The following CNTN6 variants were observed in gnomAD, a reference collection of about 807,000 sequenced individuals.
The protein encoded by CNTN6 is contactin 6.
CNTN6 carries 137 observed loss-of-function variants against 122.8 expected under a neutral mutation model. The ratio of observed to expected loss-of-function variants is 1.12; its 90% CI spans 0.97 to 1.29. The LOEUF (loss-of-function observed/expected upper bound fraction) is 1.29. CNTN6 is among the 50% of genes most tolerant of loss of function. The pLI is 0.00. For synonymous variants in CNTN6, 570 were observed against 426.0 expected (o/e 1.34, Z -4.16); for missense variants, 1,634 against 1,223.4 (o/e 1.34, Z -5.01).
intron 2 of CNTN6, among the ~76,000 whole-genome samples, chr3:1,161,203 CAGTG>C (rs1050985415): frequency 2.9e-5 from 4 of 138,626 alleles, no homozygotes; most frequent in Non-Finnish European, 6.2e-5. Flanking sequence ...ATTTGTATGA[CAGTG>C]AGAAATAGTC....
chr3:1,219,973 G>C (rs962837759), intron 2 of CNTN6, among the ~76,000 whole-genome samples: 4 of 114,818 alleles, frequency 3.5e-5, no homozygotes, highest in African/African-American at 1.6e-4. Flanking sequence ...CTGCAATTCA[G>C]CCTGTGCAAC....
At chr3:1,240,026 G>C (rs2125600719) in intron 4 of CNTN6, among the ~76,000 whole-genome samples, 1 of 152,106 alleles carries the variant, frequency 6.6e-6, no homozygotes, top group East Asian at 1.9e-4. Flanking sequence ...ATCAACTCAA[G>C]ATATATCAAA....
intron 1 of CNTN6, among the ~76,000 whole-genome samples, chr3:1,102,379 G>A (rs1265766034): frequency 6.6e-6 from 1 of 152,180 alleles, no homozygotes; most frequent in Non-Finnish European, 1.5e-5. Flanking sequence ...GTAAATGAAA[G>A]AGAAACTCAG....
At chr3:1,371,488 A>C (rs1379657309) in intron 12 of CNTN6, among the ~76,000 whole-genome samples, 1 of 152,142 alleles carries the variant, frequency 6.6e-6, no homozygotes, top group Non-Finnish European at 1.5e-5. Context: ...CTCTTTGATG[A>C]ATTCTCAACT....
At chr3:1,289,675 G>GT (rs1694953402) in intron 5 of CNTN6, among the ~76,000 whole-genome samples, 2 of 78,448 alleles carry the variant, frequency 2.5e-5, no homozygotes, top group African/African-American at 1.0e-4. Flanking sequence ...TGTTTTTTTG[G>GT]GTTTTTTTTT....
intron 1 of CNTN6, among the ~76,000 whole-genome samples, chr3:1,102,883 G>GGATCACGA (rs2091005201): frequency 1.3e-5 from 2 of 150,992 alleles, no homozygotes; most frequent in South Asian, 4.2e-4. Flanking sequence ...CGAGGCGGGC[G>GGATCACGA]GATCACGAGA....
intron 5 of CNTN6, among the ~76,000 whole-genome samples, chr3:1,291,017 C>A (rs921311208): frequency 2.0e-5 from 3 of 152,170 alleles, no homozygotes; most frequent in Non-Finnish European, 2.9e-5. Context: ...TTTTACACAG[C>A]CCGTATTCAA....
intron 5 of CNTN6, among the ~76,000 whole-genome samples, chr3:1,282,232 G>A (rs769469645): frequency 2.0e-5 from 3 of 151,818 alleles, no homozygotes; most frequent in African/African-American, 4.8e-5. Flanking sequence ...ACGAAAGGAG[G>A]GCTGACTCCA....
intron 11 of CNTN6, among the ~76,000 whole-genome samples, chr3:1,331,928 G>A (rs572252464): frequency 6.6e-6 from 1 of 151,274 alleles, no homozygotes; most frequent in Admixed American, 6.6e-5. Context: ...ATTTTGTTTT[G>A]TCCCATACAG....
chr3:1,324,741 T>G (rs965207581), intron 8 of CNTN6, among the ~76,000 whole-genome samples: 11 of 149,648 alleles, frequency 7.4e-5, no homozygotes, highest in Admixed American at 2.0e-4. Flanking sequence ...TTTTTCCTGA[T>G]GCTTTTCCCT....
intron 4 of CNTN6, among the ~76,000 whole-genome samples, chr3:1,230,541 G>T (rs1163039184): frequency 6.6e-6 from 1 of 152,124 alleles, no homozygotes; most frequent in African/African-American, 2.4e-5. Flanking sequence ...CTTCCTAAAG[G>T]CTAGTTTCTT....
chr3:1,219,409 G>A (rs1186844247), intron 2 of CNTN6, among the ~76,000 whole-genome samples: 2 of 152,152 alleles, frequency 1.3e-5, no homozygotes, highest in Admixed American at 1.3e-4. Context: ...GGGAAAGAGG[G>A]CAAGACAATG....
intron 1 of CNTN6, among the ~76,000 whole-genome samples, chr3:1,100,731 A>T (rs1005269934): frequency 6.6e-6 from 1 of 152,014 alleles, no homozygotes; most frequent in Admixed American, 6.5e-5. Context: ...TTTATTTTTT[A>T]AAAAACAGTT....
chr3:1,218,234 G>C (rs1438159363), intron 2 of CNTN6, among the ~76,000 whole-genome samples: 1 of 152,060 alleles, frequency 6.6e-6, no homozygotes, highest in African/African-American at 2.4e-5. Flanking sequence ...GGGGAAGAGG[G>C]TTCCATTGTT....
chr3:1,161,249 T>G (rs1361253294), intron 2 of CNTN6, among the ~76,000 whole-genome samples: 6 of 101,638 alleles, frequency 5.9e-5, no homozygotes, highest in Admixed American at 5.5e-4. Flanking sequence ...GATATATGAT[T>G]ATATATATAT....
chr3:1,384,750 C>T (rs13315122), intron 19 of CNTN6, among the ~76,000 whole-genome samples: 72 of 99,742 alleles, frequency 7.2e-4, no homozygotes, highest in African/African-American at 4.1e-3. Context: ...CATATATACA[C>T]ATATATATAC....
At position 1,300,484 on chromosome 3, in the gene CNTN6, GAA is replaced by G. The variant is rs1559754053; in HGVS notation, c.761+2494_761+2495del. 4.9e-3 allele frequency among the ~76,000 whole-genome samples: 495 copies of G among 100,396 alleles called. 4 individuals carry two copies. Among genetic ancestry groups the G allele is most frequent in the African/African-American group, 0.026 (460 of 17,664 alleles). The allele number at this position is 100,396 out of a possible 152,430, so 65.9% of individuals were successfully genotyped here. On this transcript the variant is annotated intron_variant, in intron 7 of 22. Transcript: ENST00000446702. ...GGAAGGAAGGAAGGAAGGAAGGAAG[GAA>G]GGAAGGAAAAAGAAAAGAAAGAGAA...
At chr3:1,384,856 A>C (rs1575999533) in intron 19 of CNTN6, among the ~76,000 whole-genome samples, 1 of 149,094 alleles carries the variant, frequency 6.7e-6, no homozygotes, top group Non-Finnish European at 1.5e-5. Flanking sequence ...ATTCCAACAG[A>C]AAGTTCTACT....
At chr3:1,314,279 CA>C (rs1699795546) in intron 7 of CNTN6, among the ~76,000 whole-genome samples, 1 of 152,030 alleles carries the variant, frequency 6.6e-6, no homozygotes, top group African/African-American at 2.4e-5. Flanking sequence ...GAAAATGTAG[CA>C]AAGGCATTCT....
Sources: allele counts gnomAD v4.1 joint callset (sites outside exome capture counted in the v4.1 genomes callset), GRCh38; gene constraint gnomAD v4.1.1; transcripts MANE v1.5; gene names NCBI Gene and HGNC (gene_info 2026-07-23, HGNC 2026-07-21).